CCDC192: variants seen among roughly 807,000 people sequenced by gnomAD.
CCDC192 encodes coiled-coil domain containing 192, also known as coiled-coil domain-containing protein 192.
intron 6 of CCDC192, among the ~76,000 whole-genome samples, chr5:127,890,453 T>TTAA (rs763447630): frequency 2.9e-5 from 4 of 135,960 alleles, no homozygotes; most frequent in African/African-American, 5.4e-5. Context: ...ACCCTGTATT[T>TTAA]AAAAAAAAAA....
chr5:127,832,895 C>T (rs939857092), intron 5 of CCDC192, among the ~76,000 whole-genome samples: 1 of 152,118 alleles, frequency 6.6e-6, no homozygotes, highest in African/African-American at 2.4e-5. Flanking sequence ...CTTCAATCTC[C>T]TAAATATTGA....
chr5:127,786,811 C>T, intron 3 of CCDC192: 1 of 558,250 alleles, frequency 1.8e-6, no homozygotes. Context: ...TACTGAGCTC[C>T]TTCAGGTGTC....
intron 5 of CCDC192, among the ~76,000 whole-genome samples, chr5:127,855,317 C>G (rs1751016448): frequency 6.6e-6 from 1 of 152,186 alleles, no homozygotes; most frequent in Admixed American, 6.5e-5. Context: ...CAAAATCTTT[C>G]TCATCCACAA....
intron 3 of CCDC192, among the ~76,000 whole-genome samples, chr5:127,794,148 T>A (rs2126961377): frequency 6.6e-6 from 1 of 152,316 alleles, no homozygotes; most frequent in African/African-American, 2.4e-5. Flanking sequence ...TCACATCTCC[T>A]TATACGATAA....
rs6884149 is a variant in CCDC192, at chr5:127,851,864, A to G, written c.412-23674A>G. Among the ~76,000 whole-genome samples the G allele has an allele frequency of 4.3e-3, 661 of 152,300 alleles. 5 individuals carry two copies. Among genetic ancestry groups the G allele is most frequent in the African/African-American group, 0.015 (632 of 41,574 alleles). ...AAAATGACTTACATTGAGCCCACAC[A>G]TCTGTCTAGCTATTGCTCTGTCTCA... On this transcript the variant is annotated intron_variant, in intron 5 of 6. Transcript: ENST00000514853.
chr5:127,702,340 T>A (rs927237109), upstream of CCDC192, among the ~76,000 whole-genome samples: 1 of 152,044 alleles, frequency 6.6e-6, no homozygotes, highest in Non-Finnish European at 1.5e-5. Context: ...GCTAACTACA[T>A]GCAAGGCCGA....
chr5:127,713,835 T>G (rs1262788815), intron 2 of CCDC192, among the ~76,000 whole-genome samples: 1 of 152,214 alleles, frequency 6.6e-6, no homozygotes, highest in Admixed American at 6.5e-5. Flanking sequence ...CGTCAGACAT[T>G]TATAATTTCT....
At chr5:127,761,719 G>T (rs1185237640) in intron 3 of CCDC192, among the ~76,000 whole-genome samples, 1 of 152,092 alleles carries the variant, frequency 6.6e-6, no homozygotes. Context: ...ACTTTCTCTT[G>T]AGAGTTTTAA....
At chr5:127,806,064 G>T (rs1328689748) in intron 5 of CCDC192, among the ~76,000 whole-genome samples, 1 of 152,180 alleles carries the variant, frequency 6.6e-6, no homozygotes, top group Non-Finnish European at 1.5e-5. Context: ...ATCCTGCCCA[G>T]TTAGATGTGG....
chr5:127,864,731 A>G lies in CCDC192; in HGVS notation c.412-10807A>G, dbSNP rs567797728. Among the ~76,000 whole-genome samples the G allele has an allele frequency of 1.1e-4, 17 of 152,334 alleles. 1 individual carries two copies. In the South Asian group the frequency reaches 3.3e-3, roughly 30 times the overall value. ...TCTCTCTGTTTACATGCTATTTACA[A>G]GTATCAAGTGCTTCTTTTATTGGGT... On this transcript the variant is annotated intron_variant, in intron 5 of 6. Coordinates refer to ENST00000514853, the MANE Select transcript of CCDC192 (RefSeq NM_001317938.2).
intron 5 of CCDC192, among the ~76,000 whole-genome samples, chr5:127,800,897 C>G (rs1009428607): frequency 3.5e-4 from 53 of 152,232 alleles, no homozygotes; most frequent in African/African-American, 1.3e-3. Flanking sequence ...TTCTCTAGCT[C>G]TTTTTAATCG....
chr5:127,800,270 T>C (rs188635359), intron 5 of CCDC192, among the ~76,000 whole-genome samples: 91 of 151,118 alleles, frequency 6.0e-4, no homozygotes, highest in African/African-American at 2.1e-3. Flanking sequence ...AGCAAGTTCC[T>C]TCTATCTTAA....
chr5:127,739,448 TG>T (rs1380564847), intron 2 of CCDC192: 1 of 153,012 alleles, frequency 6.5e-6, no homozygotes, highest in African/African-American at 2.4e-5. Context: ...TGAGCTGTGG[TG>T]GGCTCCACCC....
chr5:127,828,891 AT>A (rs1433299467), intron 5 of CCDC192, among the ~76,000 whole-genome samples: 3 of 152,190 alleles, frequency 2.0e-5, no homozygotes, highest in Non-Finnish European at 4.4e-5. Flanking sequence ...CCATCAGGTG[AT>A]TTTAGATATA....
At chr5:127,905,672 C>G (rs1753174546) in intron 6 of CCDC192, among the ~76,000 whole-genome samples, 1 of 152,106 alleles carries the variant, frequency 6.6e-6, no homozygotes, top group Admixed American at 6.5e-5. Context: ...GAAAAGTAAA[C>G]TCACAGCCTA....
chr5:127,702,238 G>T (rs1032338952), upstream of CCDC192, among the ~76,000 whole-genome samples: 1 of 151,780 alleles, frequency 6.6e-6, no homozygotes, highest in Non-Finnish European at 1.5e-5. Context: ...GACTACAGGC[G>T]CCCACCACCA....
chr5:127,735,790 C>T (rs1375999669), intron 2 of CCDC192, among the ~76,000 whole-genome samples: 8 of 125,294 alleles, frequency 6.4e-5, no homozygotes, highest in African/African-American at 2.4e-4. Flanking sequence ...TATCCTGAGA[C>T]TTTGCTGAAG....
In CCDC192 at chr5:127,916,858, G is replaced by T. The variant is rs571976467; in HGVS notation, c.536-24324G>T. Among the ~76,000 whole-genome samples the T allele has an allele frequency of 3.3e-5, 5 of 152,276 alleles. No homozygotes were observed. The East Asian group carries it at 7.7e-4, about 24-fold the overall frequency. ...GATTTTGGAATGGTAAATGCACATT[G>T]TCTTTAACTTAATGTTATCAGTTGT... On this transcript the variant is annotated intron_variant, in intron 6 of 6. Transcript: ENST00000514853.
intron 6 of CCDC192, among the ~76,000 whole-genome samples, chr5:127,894,113 A>G (rs1443139580): frequency 6.6e-6 from 1 of 151,986 alleles, no homozygotes; most frequent in East Asian, 1.9e-4. Context: ...ATGGAAATAC[A>G]GGCCCTACTA....
Sources: allele counts gnomAD v4.1 joint callset (sites outside exome capture counted in the v4.1 genomes callset), GRCh38; gene constraint gnomAD v4.1.1; transcripts MANE v1.5; gene names NCBI Gene and HGNC (gene_info 2026-07-23, HGNC 2026-07-21).